Variants in SESTD1 observed in about 807,000 individuals in gnomAD.
The protein encoded by SESTD1 is SEC14 domain and spectrin repeat-containing protein 1.
A neutral mutation model predicts 101.7 loss-of-function variants in SESTD1; 43 were observed. The observed-to-expected ratio is 0.42, with a 90% CI of 0.33 to 0.55. The LOEUF (loss-of-function observed/expected upper bound fraction) is 0.55. Ranked by LOEUF, SESTD1 falls within the 20% of genes least tolerant of loss-of-function variation. SESTD1 has a pLI of 0.07. For missense variants in SESTD1, 647 were observed against 815.1 expected (o/e 0.79, Z 2.51); for synonymous variants, 283 against 286.8 (o/e 0.99, Z 0.13).
intron 12 of SESTD1, among the ~76,000 whole-genome samples, chr2:179,122,398 T>C (rs761463149): frequency 2.1e-4 from 32 of 152,194 alleles, no homozygotes; most frequent in Non-Finnish European, 2.6e-4. Context: ...ATGTTGAACA[T>C]TGTGACTAAA....
At chr2:179,224,972 G>C (rs958218345) in intron 1 of SESTD1, among the ~76,000 whole-genome samples, 2 of 152,176 alleles carry the variant, frequency 1.3e-5, no homozygotes, top group South Asian at 2.1e-4. Flanking sequence ...TCAAAACTGA[G>C]GAGGGGGTCA....
chr2:179,195,423 C>T lies in SESTD1; in HGVS notation c.-25-3557G>A, dbSNP rs535763937. Among the ~76,000 whole-genome samples the T allele has an allele frequency of 1.9e-4, 29 of 152,324 alleles. No homozygotes were observed. In the South Asian group the frequency reaches 5.4e-3, roughly 28 times the overall value. ...GTTAAGTTTCCTGAGGTCTCCCCAGCCATGCAGAACTGTGAGTGAATTAAA... is the reference window on the plus strand; with the variant it reads ...GTTAAGTTTCCTGAGGTCTCCCCAGTCATGCAGAACTGTGAGTGAATTAAA... On this transcript the variant is annotated intron_variant, in intron 1 of 17. Coordinates refer to ENST00000428443, the MANE Select transcript of SESTD1 (RefSeq NM_178123.5).
In SESTD1 at chr2:179,208,744, G is replaced by A. The variant is rs1273205664; in HGVS notation, c.-25-16878C>T. On this transcript the variant is annotated intron_variant, in intron 1 of 17. Coordinates refer to ENST00000428443, the MANE Select transcript of SESTD1 (RefSeq NM_178123.5). ...CCTCTAAATCTTGAAACAAATCCTC[G>A]AAATACACCAAAATAGAATCTCCTT... 5.9e-5 allele frequency among the ~76,000 whole-genome samples: 8 copies of A among 134,640 alleles called. 3 individuals carry two copies. Among genetic ancestry groups the A allele is most frequent in the Non-Finnish European group, 9.6e-5 (6 of 62,604 alleles). The allele number at this position is 134,640 out of a possible 152,430, so 88.3% of individuals were successfully genotyped here. A position where few individuals can be genotyped will look rare whatever the true frequency, so the allele number is the denominator to read the frequency against.
intron 1 of SESTD1, among the ~76,000 whole-genome samples, chr2:179,218,577 T>C (rs573728436): frequency 1.3e-4 from 20 of 152,192 alleles, no homozygotes; most frequent in African/African-American, 4.1e-4. Context: ...AAAAAACTAA[T>C]ATCATTTCTA....
At position 179,207,391 on chromosome 2, in the gene SESTD1, C is replaced by CCA; in HGVS notation, c.-25-15527_-25-15526dup. On this transcript the variant is annotated intron_variant, in intron 1 of 17. Coordinates refer to ENST00000428443, the MANE Select transcript of SESTD1 (RefSeq NM_178123.5). ...GGCTAAACCGAGGTCCTGATTCTGTCCACATGACAACTTCACTACCAGCAT... is the reference window on the plus strand; with the variant it reads ...GGCTAAACCGAGGTCCTGATTCTGTCCACACATGACAACTTCACTACCAGCAT... Among the ~76,000 whole-genome samples, 2 of 135,628 alleles carry CCA rather than the reference C, an allele frequency of 1.5e-5. 1 individual carries two copies. Among genetic ancestry groups the CCA allele is most frequent in the Admixed American group, 1.4e-4 (2 of 14,028 alleles). 89.0% of individuals were successfully genotyped at this position (135,628 alleles called of 152,430 possible). A position where few individuals can be genotyped will look rare whatever the true frequency, so the allele number is the denominator to read the frequency against.
chr2:179,142,912 A>G (rs1325648854), intron 9 of SESTD1, among the ~76,000 whole-genome samples: 5 of 152,220 alleles, frequency 3.3e-5, no homozygotes, highest in South Asian at 2.1e-4. Context: ...CCACAGAGGA[A>G]TCACTTAATA....
intron 10 of SESTD1, 76 bp from the exon 11 acceptor site, chr2:179,124,634 A>AGAT (rs2044829276): frequency 1.6e-6 from 2 of 1,225,684 alleles, no homozygotes; most frequent in Admixed American, 5.0e-5. Context: ...TAATTTCTCC[A>AGAT]GATAAACTAA....
chr2:179,138,043 C>T (rs889015351), intron 9 of SESTD1, among the ~76,000 whole-genome samples: 2 of 152,028 alleles, frequency 1.3e-5, no homozygotes, highest in Non-Finnish European at 2.9e-5. Context: ...CTGTGAAAAA[C>T]AGAGTACAGA....
chr2:179,152,888 C>T (rs2045557399), intron 5 of SESTD1, among the ~76,000 whole-genome samples: 1 of 151,404 alleles, frequency 6.6e-6, no homozygotes, highest in African/African-American at 2.4e-5. Flanking sequence ...AGAATAAGTC[C>T]AAAGAAAATA....
chr2:179,161,350 C>T (rs2045732815), intron 5 of SESTD1, among the ~76,000 whole-genome samples: 1 of 152,102 alleles, frequency 6.6e-6, no homozygotes. Context: ...CATCACAAAT[C>T]ATTTATAAAG....
intron 1 of SESTD1, among the ~76,000 whole-genome samples, chr2:179,193,952 G>A (rs1404780943): frequency 6.6e-6 from 1 of 152,144 alleles, no homozygotes; most frequent in Non-Finnish European, 1.5e-5. Context: ...TAAATGGTCT[G>A]AAGTTCCTAT....
At chr2:179,222,780 G>A (rs1017016261) in intron 1 of SESTD1, among the ~76,000 whole-genome samples, 3 of 152,058 alleles carry the variant, frequency 2.0e-5, no homozygotes, top group Non-Finnish European at 4.4e-5. Flanking sequence ...AAAATCTGGA[G>A]ACACAGATTT....
chr2:179,232,610 T>C (rs1302352100), intron 1 of SESTD1, among the ~76,000 whole-genome samples: 1 of 152,116 alleles, frequency 6.6e-6, no homozygotes, highest in African/African-American at 2.4e-5. Context: ...AGAAATAACC[T>C]GAATGTCCAC....
At chr2:179,254,696 C>T (rs368639228) in intron 1 of SESTD1, among the ~76,000 whole-genome samples, 1 of 152,248 alleles carries the variant, frequency 6.6e-6, no homozygotes, top group Non-Finnish European at 1.5e-5. Context: ...ATAAAACCTA[C>T]TTGCCATATC....
intron 10 of SESTD1, among the ~76,000 whole-genome samples, chr2:179,124,906 C>T (rs2044835410): frequency 6.6e-6 from 1 of 152,118 alleles, no homozygotes; most frequent in Admixed American, 6.5e-5. Flanking sequence ...TTTCCCTCTT[C>T]TTTCAAAAAA....
intron 1 of SESTD1, among the ~76,000 whole-genome samples, chr2:179,232,722 A>G (rs2047004802): frequency 6.6e-6 from 1 of 152,218 alleles, no homozygotes; most frequent in Non-Finnish European, 1.5e-5. Flanking sequence ...TATAAAATAT[A>G]GATATCCAGT....
intron 4 of SESTD1, among the ~76,000 whole-genome samples, chr2:179,175,053 G>A (rs1368244621): frequency 6.6e-6 from 1 of 152,020 alleles, no homozygotes; most frequent in Admixed American, 6.6e-5. Context: ...CACCTCAGCA[G>A]ACACATGCCA....
At chr2:179,223,287 GGA>G (rs1355689420) in intron 1 of SESTD1, among the ~76,000 whole-genome samples, 1 of 152,140 alleles carries the variant, frequency 6.6e-6, no homozygotes, top group Non-Finnish European at 1.5e-5. Flanking sequence ...GAGTGGGTAT[GGA>G]GAGTGACTGG....
At chr2:179,242,228 C>A (rs1407402363) in intron 1 of SESTD1, among the ~76,000 whole-genome samples, 1 of 152,034 alleles carries the variant, frequency 6.6e-6, no homozygotes, top group Non-Finnish European at 1.5e-5. Context: ...TAGCCACACA[C>A]ACACAAATAA....
Sources: allele counts gnomAD v4.1 joint callset (sites outside exome capture counted in the v4.1 genomes callset), GRCh38; gene constraint gnomAD v4.1.1; transcripts MANE v1.5; gene names NCBI Gene and HGNC (gene_info 2026-07-23, HGNC 2026-07-21).